The following ENOX2 variants were observed in gnomAD, a reference collection of about 807,000 sequenced individuals.
ENOX2 encodes the protein ecto-NOX disulfide-thiol exchanger 2, also known as APK1 antigen.
Under a neutral mutation model 45.0 loss-of-function variants are expected in ENOX2, and 36 were observed. That is an observed-to-expected ratio of 0.80 (90% CI 0.61 to 1.06). The LOEUF is 1.06. Ranked by LOEUF, ENOX2 falls within the 50% of genes least tolerant of loss-of-function variation. The pLI is 0.00. For synonymous variants in ENOX2, 174 were observed against 152.3 expected, an observed-to-expected ratio of 1.14 and a Z score of -1.05; for missense variants, 423 against 462.5, an observed-to-expected ratio of 0.91 and a Z score of 0.78.
chrX:130,795,703 C>T (rs1438579503), intron 2 of ENOX2, among the ~76,000 whole-genome samples: 1 of 111,984 alleles, frequency 8.9e-6, no homozygotes, highest in East Asian at 2.8e-4. Flanking sequence ...GCCAATTCCC[C>T]TAAGTACCCT....
At chrX:130,729,671 T>C (rs2038691388) in intron 3 of ENOX2, among the ~76,000 whole-genome samples, 2 of 112,112 alleles carry the variant, frequency 1.8e-5, no homozygotes, top group East Asian at 2.8e-4. Context: ...ATAATACAAA[T>C]TCATCTTTGT....
chrX:130,840,616 C>T (rs2078000016), intron 2 of ENOX2, among the ~76,000 whole-genome samples: 1 of 110,797 alleles, frequency 9.0e-6, no homozygotes, highest in Non-Finnish European at 1.9e-5. Flanking sequence ...CCTGTAATCC[C>T]AGCACTTTGA....
intron 5 of ENOX2, among the ~76,000 whole-genome samples, chrX:130,682,691 C>A (rs1026390435): frequency 3.9e-5 from 4 of 103,586 alleles, no homozygotes; most frequent in Non-Finnish European, 7.8e-5. Context: ...AGTAAAAGGG[C>A]ATAAAAGCCA....
At chrX:130,856,639 A>C (rs1286113924) in intron 2 of ENOX2, among the ~76,000 whole-genome samples, 2 of 110,726 alleles carry the variant, frequency 1.8e-5, no homozygotes, top group African/African-American at 6.6e-5. Context: ...ATATAATTTC[A>C]ACGTCTATAT....
intron 11 of ENOX2, among the ~76,000 whole-genome samples, chrX:130,635,678 T>C (rs1486467593): frequency 1.8e-5 from 2 of 112,093 alleles, no homozygotes; most frequent in Non-Finnish European, 3.8e-5. Flanking sequence ...GTTACTATTA[T>C]CCCTAAGGCT....
In ENOX2 at chrX:130,814,418, G is replaced by A. The variant is rs986360184; in HGVS notation, c.-182-30728C>T. Among the ~76,000 whole-genome samples the A allele has an allele frequency of 4.9e-4, 55 of 112,161 alleles. 1 individual carries two copies. The highest frequency in any genetic ancestry group is 1.5e-4 in the Non-Finnish European group (8 of 53,169). ...GCTAAGAGACAGACTGCCTCCTCAAGTGGGTCCCTGACCTCCTTGCCTCCT... is the reference window on the plus strand; with the variant it reads ...GCTAAGAGACAGACTGCCTCCTCAAATGGGTCCCTGACCTCCTTGCCTCCT... On this transcript the variant is annotated intron_variant, in intron 2 of 14. Coordinates refer to ENST00000394363, the MANE Select transcript of ENOX2 (RefSeq NM_006375.4).
At chrX:130,836,064 T>C (rs2077922765) in intron 2 of ENOX2, among the ~76,000 whole-genome samples, 1 of 112,246 alleles carries the variant, frequency 8.9e-6, no homozygotes, top group South Asian at 3.7e-4. Flanking sequence ...TGCAAGTATT[T>C]TGGACCTCCA....
At chrX:130,795,511 A>G (rs1399588513) in intron 2 of ENOX2, among the ~76,000 whole-genome samples, 4 of 112,484 alleles carry the variant, frequency 3.6e-5, no homozygotes, top group African/African-American at 1.3e-4. Context: ...ATTGACTGAT[A>G]GTCTCTCTCT....
intron 13 of ENOX2, among the ~76,000 whole-genome samples, chrX:130,628,689 G>T (rs1043948189): frequency 1.2e-4 from 14 of 112,014 alleles, no homozygotes; most frequent in Non-Finnish European, 2.6e-4. Context: ...CATGCTTAGA[G>T]CCTTGAATCT....
chrX:130,796,657 T>C (rs1350555766), intron 2 of ENOX2, among the ~76,000 whole-genome samples: 1 of 112,334 alleles, frequency 8.9e-6, no homozygotes, highest in African/African-American at 3.2e-5. Context: ...AAAAGTATTT[T>C]TGAAGGTCAG....
At chrX:130,897,137 G>C (rs2079069787) in intron 2 of ENOX2, among the ~76,000 whole-genome samples, 2 of 111,408 alleles carry the variant, frequency 1.8e-5, no homozygotes, top group Admixed American at 1.9e-4. Flanking sequence ...ATTCTATCAC[G>C]GTTTTCTGTA....
At chrX:130,802,415 G>A (rs1193658068) in intron 2 of ENOX2, among the ~76,000 whole-genome samples, 2 of 112,207 alleles carry the variant, frequency 1.8e-5, no homozygotes, top group African/African-American at 6.5e-5. Flanking sequence ...AGAAACATTC[G>A]TTTAGTGCTA....
chrX:130,628,161 T>C (rs910187659), intron 13 of ENOX2, 118 bp from the exon 14 acceptor site: 5 of 509,919 alleles, frequency 9.8e-6, no homozygotes, highest in South Asian at 3.1e-5. Flanking sequence ...GACACTATTC[T>C]AAGTTTACAC....
chrX:130,730,418 G>T, intron 3 of ENOX2, among the ~76,000 whole-genome samples: 1 of 112,476 alleles, frequency 8.9e-6, no homozygotes, highest in Non-Finnish European at 1.9e-5. Context: ...CCATTATAAT[G>T]ATTGTAGATT....
chrX:130,827,646 T>TTC (rs1478788449), intron 2 of ENOX2, among the ~76,000 whole-genome samples: 1 of 111,943 alleles, frequency 8.9e-6, no homozygotes, highest in Non-Finnish European at 1.9e-5. Flanking sequence ...CTGTTGACTA[T>TTC]ATTAATGAAT....
intron 3 of ENOX2, among the ~76,000 whole-genome samples, chrX:130,746,014 T>G (rs1569496278): frequency 8.9e-6 from 1 of 112,084 alleles, no homozygotes; most frequent in East Asian, 2.8e-4. Context: ...AGGCCCTTGG[T>G]CGGAATCTAT....
At position 130,703,887 on chromosome X, in the gene ENOX2, G is replaced by A. The variant is rs1201284069; in HGVS notation, c.-38-633C>T. ...GTTGTACAATAAAATTGAAGAGACT[G>A]ATGATGATGGTGATAATTATTACCA... On this transcript the variant is annotated intron_variant, in intron 3 of 14. Coordinates refer to ENST00000394363, the MANE Select transcript of ENOX2 (RefSeq NM_006375.4). 2.7e-5 allele frequency among the ~76,000 whole-genome samples: 3 copies of A among 111,027 alleles called. No individual in the cohort carries two copies. The East Asian group carries it at 8.5e-4, about 31-fold the overall frequency.
At chrX:130,819,153 T>C (rs775962339) in intron 2 of ENOX2, among the ~76,000 whole-genome samples, 3 of 111,841 alleles carry the variant, frequency 2.7e-5, no homozygotes, top group Middle Eastern at 9.3e-3. Context: ...ATTAGAGAAA[T>C]GCAAATCAAA....
At chrX:130,867,977 A>G (rs957078458) in intron 2 of ENOX2, among the ~76,000 whole-genome samples, 1 of 112,033 alleles carries the variant, frequency 8.9e-6, no homozygotes, top group Non-Finnish European at 1.9e-5. Flanking sequence ...TTCCCATTTG[A>G]TACATAGAAC....
Sources: allele counts gnomAD v4.1 joint callset (sites outside exome capture counted in the v4.1 genomes callset), GRCh38; gene constraint gnomAD v4.1.1; transcripts MANE v1.5; gene names NCBI Gene and HGNC (gene_info 2026-07-23, HGNC 2026-07-21).